FLT1: variants seen among roughly 807,000 people sequenced by gnomAD.
FLT1 encodes vascular endothelial growth factor receptor 1.
In FLT1, 49 loss-of-function variants were observed where a neutral mutation model predicts 156.3. The ratio of observed to expected loss-of-function variants is 0.31; its 90% confidence interval spans 0.25 to 0.40. The LOEUF (loss-of-function observed/expected upper bound fraction) is 0.40, where lower values mean the gene tolerates loss of function less well. Ranked by LOEUF, FLT1 falls within the 10% of genes least tolerant of loss-of-function variation. The pLI, the probability that FLT1 is intolerant of heterozygous loss-of-function variation, is 1.00. For synonymous variants in FLT1, 594 were observed against 583.8 expected (o/e 1.02, Z -0.25); for missense variants, 1,322 against 1,637.2 (o/e 0.81, Z 3.32).
intron 14 of FLT1, among the ~76,000 whole-genome samples, chr13:28,366,784 G>T (rs1873312458): frequency 6.6e-6 from 1 of 152,168 alleles, no homozygotes; most frequent in Admixed American, 6.5e-5. Flanking sequence ...AGCATCTTCT[G>T]ATGCTCTTGG....
chr13:28,371,187 C>A (rs1873547753), intron 14 of FLT1, among the ~76,000 whole-genome samples: 2 of 152,138 alleles, frequency 1.3e-5, no homozygotes, highest in South Asian at 4.2e-4. Context: ...TATAAGCCCA[C>A]TACCAGTCAC....
rs745363812 is a variant in FLT1, at chr13:28,322,427, G to T, written c.2954-68C>A. 1.9e-6 allele frequency: 2 copies of T among 1,028,644 alleles called. No individual in the cohort carries two copies. Among genetic ancestry groups the T allele is most frequent in the South Asian group, 1.3e-5 (1 of 78,260 alleles). The allele number at this position is 1,028,644 out of a possible 1,614,324, so 63.7% of individuals were successfully genotyped here. Reference sequence around the variant, plus strand: ...TATCCCACCAAATCCCAGTTTATTGGAACAATGTTAGCAAAACATAAAACA... The same window carrying T: ...TATCCCACCAAATCCCAGTTTATTGTAACAATGTTAGCAAAACATAAAACA... On this transcript the variant is annotated intron_variant, in intron 21 of 29. Coordinates refer to ENST00000282397, the MANE Select transcript of FLT1 (RefSeq NM_002019.4). This position sits in a 1 kb window ranked among gnomAD's most constrained non-coding sequence, Gnocchi z 4.3.
intron 13 of FLT1, chr13:28,387,277 C>T: frequency 9.6e-7 from 1 of 1,042,538 alleles, no homozygotes; most frequent in Non-Finnish European, 1.2e-6. Context: ...AAATGTTCTA[C>T]ATTAAAAGTC....
At chr13:28,420,417 G>A (rs1208132230) in intron 10 of FLT1, among the ~76,000 whole-genome samples, 1 of 152,184 alleles carries the variant, frequency 6.6e-6, no homozygotes, top group Non-Finnish European at 1.5e-5. Context: ...CTGAATTGAG[G>A]CTGCATACCC....
chr13:28,358,706 A>G (rs540793252), intron 14 of FLT1, among the ~76,000 whole-genome samples: 1 of 152,240 alleles, frequency 6.6e-6, no homozygotes, highest in Non-Finnish European at 1.5e-5. Flanking sequence ...TACCAAACAC[A>G]CACATTTACA....
intron 10 of FLT1, among the ~76,000 whole-genome samples, chr13:28,422,225 A>G (rs1448749182): frequency 6.6e-6 from 1 of 152,232 alleles, no homozygotes; most frequent in African/African-American, 2.4e-5. Context: ...TGTAGACAGA[A>G]ATGTTTCTCT....
intron 1 of FLT1, among the ~76,000 whole-genome samples, chr13:28,491,198 T>G (rs778685183): frequency 9.2e-5 from 14 of 151,734 alleles, no homozygotes; most frequent in Non-Finnish European, 1.9e-4. Flanking sequence ...CCATATTAAA[T>G]AAATTTAAAG....
At chr13:28,328,677 T>C (rs1218762203) in intron 19 of FLT1, among the ~76,000 whole-genome samples, 2 of 152,208 alleles carry the variant, frequency 1.3e-5, no homozygotes, top group African/African-American at 4.8e-5. Context: ...CGGCGGCAGA[T>C]GCCGCAGAGT....
intron 8 of FLT1, among the ~76,000 whole-genome samples, chr13:28,428,241 C>T (rs1008507364): frequency 6.6e-6 from 1 of 152,056 alleles, no homozygotes; most frequent in African/African-American, 2.4e-5. Context: ...CTGATTCCAT[C>T]CGAGATGTTT....
At chr13:28,316,638 C>CT (rs572382294) in intron 25 of FLT1, among the ~76,000 whole-genome samples, 1,635 of 134,656 alleles carry the variant, frequency 0.012, 21 homozygotes, top group African/African-American at 0.032. Flanking sequence ...CTAAAAGGTT[C>CT]TTTTTTTTTT....
intron 9 of FLT1, 92 bp from the exon 10 acceptor site, chr13:28,427,410 T>A: frequency 8.5e-7 from 1 of 1,173,626 alleles, no homozygotes. Context: ...TCTCACTGGC[T>A]TTGATGTCAG....
intron 13 of FLT1, chr13:28,387,543 C>T (rs1162802897): frequency 2.4e-5 from 26 of 1,062,654 alleles, no homozygotes; most frequent in African/African-American, 4.9e-5. Context: ...AAGATAGCTG[C>T]CCACCAGGTT....
At chr13:28,308,760 T>G in intron 28 of FLT1, 83 bp downstream of exon 28, 2 of 860,220 alleles carry the variant, frequency 2.3e-6, no homozygotes, top group Non-Finnish European at 4.0e-6. Context: ...CAAGAACTAC[T>G]ACATTACTGG....
chr13:28,487,464 C>T (rs1593850639), intron 1 of FLT1, among the ~76,000 whole-genome samples: 1 of 151,740 alleles, frequency 6.6e-6, no homozygotes, highest in Admixed American at 6.6e-5. Context: ...ATGGGTGGTT[C>T]GGTGGCTTGA....
chr13:28,446,218 A>C (rs1878607914), intron 3 of FLT1, among the ~76,000 whole-genome samples: 1 of 152,212 alleles, frequency 6.6e-6, no homozygotes, highest in African/African-American at 2.4e-5. Flanking sequence ...ATGGTGAAGC[A>C]CTGGAAGTTT....
intron 29 of FLT1, among the ~76,000 whole-genome samples, chr13:28,304,409 G>A (rs541604935): frequency 5.9e-5 from 9 of 152,134 alleles, no homozygotes; most frequent in South Asian, 4.1e-4. Context: ...ACTTGTGGCC[G>A]ATGAGTTGTG....
At chr13:28,427,069 A>G (rs915747387) in intron 10 of FLT1, 90 bp downstream of exon 10, 3 of 1,207,070 alleles carry the variant, frequency 2.5e-6, no homozygotes, top group Non-Finnish European at 3.7e-6. Context: ...TACATCCCAC[A>G]TGCAGATTCC....
At chr13:28,457,713 T>C (rs1397161959) in intron 3 of FLT1, among the ~76,000 whole-genome samples, 1 of 152,180 alleles carries the variant, frequency 6.6e-6, no homozygotes, top group Non-Finnish European at 1.5e-5. Flanking sequence ...ACTTAAAGCC[T>C]TTTCAGCTTA....
At chr13:28,477,829 T>C (rs1003898987) in intron 1 of FLT1, among the ~76,000 whole-genome samples, 1 of 152,166 alleles carries the variant, frequency 6.6e-6, no homozygotes, top group Non-Finnish European at 1.5e-5. Context: ...TTGCCAGTAG[T>C]GTTATGCTAC....
Sources: gnomAD v4.1 joint callset for allele counts (sites outside exome capture counted in the v4.1 genomes callset) on GRCh38, gnomAD v4.1.1 for gene constraint, Gnocchi (gnomAD v3.1) non-coding constraint, MANE v1.5 for transcripts, NCBI Gene and HGNC (gene_info 2026-07-23, HGNC 2026-07-21) for gene names.